CTNNA3: variants seen among roughly 807,000 people sequenced by gnomAD.
The protein encoded by CTNNA3 is catenin alpha 3, also known as catenin alpha-3.
In CTNNA3, 76 loss-of-function variants were observed where a neutral mutation model predicts 95.7. The observed-to-expected ratio is 0.79, with a 90% CI of 0.66 to 0.96. CTNNA3 has a LOEUF of 0.96. CTNNA3 is among the 40% of genes least tolerant of loss of function. The probability of loss-of-function intolerance (pLI) is 0.00; values close to 1 mark genes in which losing one functional copy is unlikely to be tolerated. For synonymous variants in CTNNA3, 431 were observed against 374.4 expected, an observed-to-expected ratio of 1.15 and a Z score of -1.74; for missense variants, 1,191 against 1,089.8, an observed-to-expected ratio of 1.09 and a Z score of -1.31.
chr10:67,215,937 T>C (rs1864338825), intron 6 of CTNNA3, among the ~76,000 whole-genome samples: 2 of 152,178 alleles, frequency 1.3e-5, no homozygotes, highest in Admixed American at 6.5e-5. Context: ...TTTTGTGCTT[T>C]TTGTATCAGC....
chr10:66,256,132 A>G (rs2090762088), intron 13 of CTNNA3, among the ~76,000 whole-genome samples: 1 of 152,192 alleles, frequency 6.6e-6, no homozygotes, highest in Non-Finnish European at 1.5e-5. Context: ...GGAAGGAATG[A>G]AAAAGACCGT....
intron 7 of CTNNA3, among the ~76,000 whole-genome samples, chr10:66,845,705 A>AAAAAATAAATAAATAAAT (rs1469219376): frequency 8.2e-5 from 6 of 73,118 alleles, no homozygotes; most frequent in African/African-American, 1.2e-4. Flanking sequence ...CTCTGTCTCA[A>AAAAAATAAATAAATAAAT]AAAAAAAAAA....
chr10:67,455,252 G>C (rs1847128635), intron 5 of CTNNA3, among the ~76,000 whole-genome samples: 2 of 151,870 alleles, frequency 1.3e-5, no homozygotes, highest in Admixed American at 6.6e-5. Context: ...TTTTAAAATA[G>C]GCATGCCTTA....
chr10:67,411,061 T>C (rs545129940), intron 5 of CTNNA3, among the ~76,000 whole-genome samples: 1 of 152,126 alleles, frequency 6.6e-6, no homozygotes, highest in African/African-American at 2.4e-5. Flanking sequence ...AGGAGATGGG[T>C]TACCCAGAAA....
intron 15 of CTNNA3, among the ~76,000 whole-genome samples, chr10:66,004,291 C>T (rs1259173996): frequency 1.3e-5 from 2 of 152,204 alleles, no homozygotes; most frequent in Non-Finnish European, 2.9e-5. Context: ...AAACATTATT[C>T]TCTGTCTACC....
At chr10:66,241,158 A>T (rs2132038687) in intron 13 of CTNNA3, among the ~76,000 whole-genome samples, 1 of 9,716 alleles carries the variant, frequency 1.0e-4, no homozygotes, top group South Asian at 0.013. Flanking sequence ...AAAAGGGTTA[A>T]AAAAAAACAA....
At chr10:66,265,312 G>C (rs1002762771) in intron 13 of CTNNA3, among the ~76,000 whole-genome samples, 1 of 151,954 alleles carries the variant, frequency 6.6e-6, no homozygotes, top group African/African-American at 2.4e-5. Flanking sequence ...CTTCAAGGTG[G>C]TATTCTCCTT....
intron 7 of CTNNA3, among the ~76,000 whole-genome samples, chr10:67,064,717 G>A (rs1044755326): frequency 6.6e-6 from 1 of 152,106 alleles, no homozygotes; most frequent in Admixed American, 6.6e-5. Context: ...AACTGTGTGA[G>A]GTATTAATTG....
intron 12 of CTNNA3, among the ~76,000 whole-genome samples, chr10:66,353,433 G>A (rs563993433): frequency 3.9e-4 from 59 of 152,194 alleles, no homozygotes; most frequent in African/African-American, 1.4e-3. Context: ...CTGTGTTGAG[G>A]CAGACATCTG....
At chr10:66,856,409 T>C (rs1414987669) in intron 7 of CTNNA3, among the ~76,000 whole-genome samples, 1 of 152,016 alleles carries the variant, frequency 6.6e-6, no homozygotes, top group Non-Finnish European at 1.5e-5. Context: ...ACAATTTATA[T>C]TCCCTTGGGT....
intron 7 of CTNNA3, among the ~76,000 whole-genome samples, chr10:66,924,046 C>A (rs1846932331): frequency 6.6e-6 from 1 of 152,144 alleles, no homozygotes; most frequent in African/African-American, 2.4e-5. Context: ...TTTAATCATT[C>A]CTTCACAGTG....
chr10:66,946,355 T>C (rs1290368938), intron 7 of CTNNA3, among the ~76,000 whole-genome samples: 1 of 152,188 alleles, frequency 6.6e-6, no homozygotes, highest in Non-Finnish European at 1.5e-5. Context: ...AATATTTTAA[T>C]ATGTGAGAGA....
At chr10:66,793,458 C>T (rs1476242483) in intron 7 of CTNNA3, among the ~76,000 whole-genome samples, 1 of 152,058 alleles carries the variant, frequency 6.6e-6, no homozygotes, top group Non-Finnish European at 1.5e-5. Context: ...GAAATTCCTA[C>T]CATGAAACTG....
intron 10 of CTNNA3, among the ~76,000 whole-genome samples, chr10:66,612,603 T>C (rs932814208): frequency 6.6e-6 from 1 of 152,058 alleles, no homozygotes; most frequent in Non-Finnish European, 1.5e-5. Context: ...GATTCTGAGC[T>C]TTCTGGCCTC....
intron 11 of CTNNA3, among the ~76,000 whole-genome samples, chr10:66,490,087 G>C (rs984114879): frequency 2.0e-5 from 3 of 152,080 alleles, no homozygotes; most frequent in African/African-American, 7.2e-5. Flanking sequence ...ACATTTATAT[G>C]GATAAACATA....
chr10:67,758,756 C>A (rs138219609), intron 1 of CTNNA3, among the ~76,000 whole-genome samples: 27 of 98,372 alleles, frequency 2.7e-4, no homozygotes, highest in African/African-American at 8.7e-4. Context: ...TTCTGCCCTT[C>A]GACATCTGAT....
At chr10:67,204,378 C>T (rs900829523) in intron 6 of CTNNA3, among the ~76,000 whole-genome samples, 1 of 145,780 alleles carries the variant, frequency 6.9e-6, no homozygotes, top group Non-Finnish European at 1.5e-5. Context: ...ACCTCCCCCC[C>T]TCTCTCTTCC....
At chr10:66,523,530 C>T (rs926292930) in intron 10 of CTNNA3, among the ~76,000 whole-genome samples, 1 of 152,110 alleles carries the variant, frequency 6.6e-6, no homozygotes, top group African/African-American at 2.4e-5. Flanking sequence ...AGCCATATAT[C>T]TAGAGAAAAT....
At position 66,436,551 on chromosome 10, in the gene CTNNA3, T is replaced by C. The variant is rs370233622; in HGVS notation, c.1532-57199A>G. On this transcript the variant is annotated intron_variant, in intron 11 of 17. Transcript: ENST00000433211. ...TGCTTTCTATTTGCTTGGTAAATCTTTCTCAATCCCACTATTTTTAGCCTT... is the reference window on the plus strand; with the variant it reads ...TGCTTTCTATTTGCTTGGTAAATCTCTCTCAATCCCACTATTTTTAGCCTT... Among the ~76,000 whole-genome samples, 4 of 146,140 alleles carry C rather than the reference T, an allele frequency of 2.7e-5. No individual in the cohort carries two copies. In the East Asian group the frequency reaches 9.1e-4, roughly 33 times the overall value.
Sources: gnomAD v4.1 joint callset for allele counts (sites outside exome capture counted in the v4.1 genomes callset) on GRCh38, gnomAD v4.1.1 for gene constraint, MANE v1.5 for transcripts, NCBI Gene and HGNC (gene_info 2026-07-23, HGNC 2026-07-21) for gene names.